MAGEB6B: variants seen among roughly 807,000 people sequenced by gnomAD.
MAGEB6B encodes MAGE family member B6B.
For missense variants in MAGEB6B, 277 were observed against 251.5 expected, an observed-to-expected ratio of 1.10 and a Z score of -0.69; for synonymous variants, 107 against 102.3, an observed-to-expected ratio of 1.05 and a Z score of -0.27.
At chrX:26,161,978 G>A (rs1265567312), downstream of MAGEB6B, among the ~76,000 whole-genome samples, 1 of 112,211 alleles carries the variant, frequency 8.9e-6, no homozygotes, top group Non-Finnish European at 1.9e-5. Flanking sequence ...AGAGGCTGGA[G>A]GGAACAAGAT....
chrX:26,161,481 T>G, exon 1 of MAGEB6B: 1 of 1,192,641 alleles, frequency 8.4e-7, no homozygotes, highest in Non-Finnish European at 1.1e-6. Context: ...ATCCTGGGTT[T>G]GATCTTCATG....
downstream of MAGEB6B, chrX:26,161,951 A>G (rs1928696839): frequency 2.3e-5 from 14 of 617,320 alleles, no homozygotes; most frequent in South Asian, 4.0e-4. Flanking sequence ...TGAGCCTTCT[A>G]AGTAGTGCAG....
At chrX:26,161,509 T>C in exon 1 of MAGEB6B, 1 of 1,210,031 alleles carries the variant, frequency 8.3e-7, no homozygotes, top group Non-Finnish European at 1.1e-6. Context: ...ACCGTGCCAC[T>C]GAAGAGGAGG....
exon 1 of MAGEB6B, chrX:26,161,204 A>T (rs758439542): frequency 1.3e-6 from 1 of 749,408 alleles, no homozygotes; most frequent in African/African-American, 2.1e-5. Context: ...GGCAAACAAG[A>T]TGGTGCAATT....
At chrX:26,161,626 G>C in exon 1 of MAGEB6B, 1 of 1,211,352 alleles carries the variant, frequency 8.3e-7, no homozygotes, top group East Asian at 3.0e-5. Context: ...ATAAGTACGT[G>C]GTTTACCGGC....
chrX:26,160,984 C>G (rs764823496), exon 1 of MAGEB6B: 1 of 724,470 alleles, frequency 1.4e-6, no homozygotes, highest in Non-Finnish European at 2.2e-6. Context: ...ATGAGGCTGC[C>G]AAGGGTCAAA....
At chrX:26,162,288 C>T (rs1207524094), downstream of MAGEB6B, among the ~76,000 whole-genome samples, 3 of 111,935 alleles carry the variant, frequency 2.7e-5, no homozygotes, top group Non-Finnish European at 5.6e-5. Context: ...AAATAGTTGA[C>T]ATCATAATAT....
downstream of MAGEB6B, chrX:26,161,872 A>G: frequency 9.1e-7 from 1 of 1,102,350 alleles, no homozygotes. Context: ...ATGGGGCCAT[A>G]TCCTACAGAT....
At chrX:26,160,892 C>T (rs1372181196) in exon 1 of MAGEB6B, 4 of 600,794 alleles carry the variant, frequency 6.7e-6, no homozygotes, top group Admixed American at 2.2e-5. Context: ...TAGTACCTCC[C>T]GTGATGCCTC....
At chrX:26,161,504 G>C (rs1928690432) in exon 1 of MAGEB6B, 1 of 1,204,085 alleles carries the variant, frequency 8.3e-7, no homozygotes, top group Admixed American at 2.2e-5. Flanking sequence ...AGGCAACCGT[G>C]CCACTGAAGA....
exon 1 of MAGEB6B, chrX:26,161,800 G>C: frequency 8.3e-7 from 1 of 1,210,093 alleles, no homozygotes. Flanking sequence ...ATGAGGTAGA[G>C]AGAGCATTGA....
downstream of MAGEB6B, chrX:26,161,916 T>A: frequency 6.5e-6 from 6 of 927,600 alleles, no homozygotes; most frequent in Non-Finnish European, 9.1e-6. Flanking sequence ...AAGTAGAATT[T>A]TCGCTTTATG....
exon 1 of MAGEB6B, chrX:26,161,069 C>A (rs1928682684): frequency 1.8e-6 from 2 of 1,118,597 alleles, no homozygotes; most frequent in East Asian, 6.0e-5. Context: ...CACTGGCTCG[C>A]CTGATGCAGA....
downstream of MAGEB6B, among the ~76,000 whole-genome samples, chrX:26,162,063 T>G (rs183009934): frequency 3.7e-4 from 42 of 112,682 alleles, no homozygotes; most frequent in East Asian, 0.012. Flanking sequence ...TTTTCAACAT[T>G]GTTCCTGTTA....
exon 1 of MAGEB6B, chrX:26,161,136 G>C: frequency 3.4e-6 from 3 of 890,875 alleles, no homozygotes; most frequent in Non-Finnish European, 5.0e-6. Flanking sequence ...GAAAGTTTAA[G>C]CTCCTCCAAG....
At chrX:26,161,660 T>C (rs1225787506) in exon 1 of MAGEB6B, 1 of 1,211,863 alleles carries the variant, frequency 8.3e-7, no homozygotes, top group South Asian at 1.8e-5. Context: ...TGATCCTCCA[T>C]GCTATGAGTT....
At position 26,161,155 on chromosome X, in the gene MAGEB6B, G is replaced by T. The variant is rs758374357; in HGVS notation, c.555G>T (p.Ala185=). The T allele has an allele frequency of 6.2e-6, 5 of 801,091 alleles. No individual in the cohort carries two copies. In the Admixed American group the frequency reaches 1.1e-4, roughly 18 times the overall value. 66.0% of individuals were successfully genotyped at this position (801,091 alleles called of 1,213,427 possible). Residue 185 remains alanine (A), a synonymous_variant, in exon 1 of 1, where the codon GCG becomes GCT. Transcript: ENST00000416929. ...GTTTAAGCTCCTCCAAGAGAGCTGC[G>T]TTCTTTACAACCACAGACGGAGATC...
downstream of MAGEB6B, among the ~76,000 whole-genome samples, chrX:26,162,030 TTTA>T (rs1928697919): frequency 8.9e-6 from 1 of 112,604 alleles, no homozygotes; most frequent in Middle Eastern, 4.6e-3. Flanking sequence ...AACTTGTAGA[TTTA>T]TGTTTTACCT....
downstream of MAGEB6B, among the ~76,000 whole-genome samples, chrX:26,162,390 G>C (rs1358869334): frequency 2.6e-4 from 29 of 111,540 alleles, no homozygotes; most frequent in Admixed American, 2.8e-3. Flanking sequence ...TATAAATAAA[G>C]GATACCTGGA....
Sources: allele counts gnomAD v4.1 joint callset (sites outside exome capture counted in the v4.1 genomes callset), GRCh38; gene constraint gnomAD v4.1.1; transcripts MANE v1.5; gene names NCBI Gene and HGNC (gene_info 2026-07-23, HGNC 2026-07-21).